Variants in CSMD3 observed in about 807,000 individuals in gnomAD.
The protein encoded by CSMD3 is CUB and sushi domain-containing protein 3.
CSMD3 carries 177 observed loss-of-function variants against 435.2 expected under a neutral mutation model. The ratio of observed to expected loss-of-function variants is 0.41; its 90% CI spans 0.36 to 0.46. CSMD3 has a LOEUF of 0.46. Among genes scored for constraint, CSMD3 ranks in the 20% least tolerant of loss-of-function variants. The pLI is 0.34. For missense variants in CSMD3, 4,265 were observed against 4,504.6 expected (o/e 0.95, Z 1.52); for synonymous variants, 1,656 against 1,520.5 (o/e 1.09, Z -2.07).
chr8:112,362,178 A>G (rs566535557), intron 38 of CSMD3, among the ~76,000 whole-genome samples: 1 of 152,052 alleles, frequency 6.6e-6, no homozygotes, highest in Non-Finnish European at 1.5e-5. Context: ...TTCTGGCTTA[A>G]GGTACCTCAG....
chr8:112,310,673 T>C, intron 50 of CSMD3: 1 of 422,710 alleles, frequency 2.4e-6, no homozygotes, highest in Non-Finnish European at 4.4e-6. Flanking sequence ...TCAGTCTTCC[T>C]CTCTTTCAAT....
intron 3 of CSMD3, among the ~76,000 whole-genome samples, chr8:113,209,956 A>G (rs1179485934): frequency 6.6e-6 from 1 of 151,678 alleles, no homozygotes; most frequent in Non-Finnish European, 1.5e-5. Context: ...CCCTTTTAAA[A>G]CAATTGACTC....
intron 13 of CSMD3, among the ~76,000 whole-genome samples, chr8:112,768,705 T>C (rs1391557264): frequency 6.6e-6 from 1 of 151,902 alleles, no homozygotes; most frequent in Admixed American, 6.6e-5. Flanking sequence ...ATATCTTTCA[T>C]ACAAAAGACA....
At chr8:112,559,122 G>C (rs1048701596) in intron 24 of CSMD3, among the ~76,000 whole-genome samples, 3 of 151,826 alleles carry the variant, frequency 2.0e-5, no homozygotes, top group Non-Finnish European at 4.4e-5. Context: ...CCTGGGCTAA[G>C]AGCGACACTT....
intron 67 of CSMD3, among the ~76,000 whole-genome samples, chr8:112,235,625 A>C (rs1331079931): frequency 2.0e-5 from 3 of 152,134 alleles, no homozygotes; most frequent in Non-Finnish European, 2.9e-5. Context: ...GGATCTAAGA[A>C]AAAATCTGAT....
At chr8:112,520,164 T>TA (rs2131007685) in intron 27 of CSMD3, among the ~76,000 whole-genome samples, 1 of 152,100 alleles carries the variant, frequency 6.6e-6, no homozygotes, top group African/African-American at 2.4e-5. Context: ...AGAGAAACTT[T>TA]AAAAAGGCAA....
chr8:113,108,987 A>T (rs915097373), intron 4 of CSMD3, among the ~76,000 whole-genome samples: 3 of 152,228 alleles, frequency 2.0e-5, no homozygotes, highest in Non-Finnish European at 4.4e-5. Flanking sequence ...TCAAACAATC[A>T]TAAAGAAGAA....
chr8:112,341,532 T>C lies in CSMD3; in HGVS notation c.6597A>G (p.Leu2199=), dbSNP rs773070045. ...SLFSTTHETS[L]YFHSDYSQNK... ...TTTGTGAATAGTCACTGTGAAAATA[T>C]AAGCTGGTTTCATGGGTGGTGCTGA... Residue 2199 remains leucine, a synonymous_variant, in exon 42 of 71, where the codon TTA becomes TTG. Coordinates refer to ENST00000297405, the MANE Select transcript of CSMD3 (RefSeq NM_198123.2). 6 of 1,613,476 alleles carry C rather than the reference T, an allele frequency of 3.7e-6. No homozygotes were observed. The South Asian group carries it at 4.4e-5, about 12-fold the overall frequency.
At chr8:112,455,253 C>A (rs1168486669) in intron 32 of CSMD3, among the ~76,000 whole-genome samples, 1 of 152,048 alleles carries the variant, frequency 6.6e-6, no homozygotes, top group Non-Finnish European at 1.5e-5. Flanking sequence ...TAATAATATG[C>A]AGCCATAAAA....
chr8:112,291,150 T>C (rs1819726586), intron 56 of CSMD3, among the ~76,000 whole-genome samples: 1 of 151,968 alleles, frequency 6.6e-6, no homozygotes, highest in Admixed American at 6.6e-5. Flanking sequence ...CCATGATGGA[T>C]GTTTAAGACT....
At chr8:112,421,866 A>T (rs1250007206) in intron 32 of CSMD3, among the ~76,000 whole-genome samples, 3 of 151,994 alleles carry the variant, frequency 2.0e-5, no homozygotes, top group Non-Finnish European at 4.4e-5. Flanking sequence ...ACTATATGTA[A>T]TGGACTGTGC....
intron 30 of CSMD3, among the ~76,000 whole-genome samples, chr8:112,499,484 G>A (rs537939287): frequency 2.6e-5 from 4 of 152,134 alleles, no homozygotes; most frequent in African/African-American, 9.6e-5. Flanking sequence ...GCACTCATTA[G>A]ATGATACAAA....
chr8:113,350,979 C>A (rs1241935172), intron 1 of CSMD3, among the ~76,000 whole-genome samples: 1 of 151,994 alleles, frequency 6.6e-6, no homozygotes, highest in Non-Finnish European at 1.5e-5. Flanking sequence ...AAAACTGATT[C>A]CCATGCCCTT....
chr8:113,077,596 C>T (rs1444480158), intron 5 of CSMD3, among the ~76,000 whole-genome samples: 1 of 151,866 alleles, frequency 6.6e-6, no homozygotes, highest in Non-Finnish European at 1.5e-5. Context: ...CAGCTACTAG[C>T]AGGGGCTGAG....
rs1240794159 is a variant in CSMD3, at chr8:112,295,361, T to C, written c.8614+472A>G. ...CATGTCATGCCTAATGATAATATAT[T>C]CCCCACTGTGCTTCATCAGTATATA... On this transcript the variant is annotated intron_variant, in intron 54 of 70. Transcript: ENST00000297405. 2.6e-5 allele frequency among the ~76,000 whole-genome samples: 4 copies of C among 152,184 alleles called. No individual in the cohort carries two copies. The East Asian group carries it at 7.7e-4, about 29-fold the overall frequency.
At chr8:112,533,750 C>T (rs1031259798) in intron 27 of CSMD3, among the ~76,000 whole-genome samples, 17 of 151,974 alleles carry the variant, frequency 1.1e-4, no homozygotes, top group African/African-American at 3.9e-4. Flanking sequence ...TGGAATAAAA[C>T]TACACTGCAC....
intron 2 of CSMD3, 77 bp downstream of exon 2, chr8:113,314,494 T>C: frequency 2.4e-6 from 2 of 837,572 alleles, no homozygotes; most frequent in South Asian, 2.8e-5. Flanking sequence ...TCACAAATGT[T>C]AAGCATCTTT....
chr8:112,930,018 C>T (rs2083055450), intron 9 of CSMD3, among the ~76,000 whole-genome samples: 1 of 152,012 alleles, frequency 6.6e-6, no homozygotes. Context: ...CTTGGTTATA[C>T]AATCCCTTCA....
At chr8:112,599,764 C>T (rs1317637170) in intron 22 of CSMD3, among the ~76,000 whole-genome samples, 3 of 149,262 alleles carry the variant, frequency 2.0e-5, no homozygotes, top group Non-Finnish European at 3.0e-5. Flanking sequence ...TAAACTATCG[C>T]AAGAAGAAAA....
Sources: gnomAD v4.1 joint callset for allele counts (sites outside exome capture counted in the v4.1 genomes callset) on GRCh38, gnomAD v4.1.1 for gene constraint, MANE v1.5 for transcripts, NCBI Gene and HGNC (gene_info 2026-07-23, HGNC 2026-07-21) for gene names.